The following LRRC20 variants were observed in gnomAD, a reference collection of about 807,000 sequenced individuals.
LRRC20 encodes leucine rich repeat containing 20, also known as leucine-rich repeat-containing protein 20.
Under a neutral mutation model 14.4 loss-of-function variants are expected in LRRC20, and 11 were observed. The ratio of observed to expected loss-of-function variants is 0.77; its 90% CI spans 0.48 to 1.27. LRRC20 has a LOEUF of 1.27. LRRC20 is among the 50% of genes most tolerant of loss of function. The probability of loss-of-function intolerance (pLI) is 0.00; values close to 1 mark genes in which losing one functional copy is unlikely to be tolerated. For synonymous variants in LRRC20, 121 were observed against 107.3 expected, an observed-to-expected ratio of 1.13 and a Z score of -0.79; for missense variants, 219 against 251.2, an observed-to-expected ratio of 0.87 and a Z score of 0.87.
At position 70,301,347 on chromosome 10, in the gene LRRC20, G is replaced by A. The variant is rs1404842978; in HGVS notation, c.*7C>T. The A allele has an allele frequency of 6.2e-7, 1 of 1,610,844 alleles. No individual in the cohort carries two copies. The highest frequency in any genetic ancestry group is 8.5e-7 in the Non-Finnish European group (1 of 1,179,072). On this transcript the variant is annotated 3_prime_UTR_variant, in exon 5 of 5. Coordinates refer to ENST00000446961, the MANE Select transcript of LRRC20 (RefSeq NM_001278212.2). ...GCCCCTTGCTGGGTGGGCATGAGGAGGGTGGCCTAAGGTAGGGGGGCTCTT... is the reference window on the plus strand; with the variant it reads ...GCCCCTTGCTGGGTGGGCATGAGGAAGGTGGCCTAAGGTAGGGGGGCTCTT...
At chr10:70,302,303 G>C (rs1841224104) in intron 4 of LRRC20, among the ~76,000 whole-genome samples, 1 of 151,622 alleles carries the variant, frequency 6.6e-6, no homozygotes, top group South Asian at 2.1e-4. Flanking sequence ...ACAAAGCAAA[G>C]CTCTGTCTCA....
intron 4 of LRRC20, among the ~76,000 whole-genome samples, chr10:70,301,930 A>G (rs1433050613): frequency 6.6e-6 from 1 of 152,232 alleles, no homozygotes; most frequent in African/African-American, 2.4e-5. Flanking sequence ...GTCCATATAT[A>G]TGTCCATATA....
chr10:70,374,351 C>CTTTT lies in LRRC20; in HGVS notation c.82+2097_82+2100dup, dbSNP rs57167315. Among the ~76,000 whole-genome samples the CTTTT allele has an allele frequency of 1.2e-4, 16 of 133,186 alleles. 8 individuals carry two copies. Among genetic ancestry groups the CTTTT allele is most frequent in the Non-Finnish European group, 1.3e-4 (8 of 61,754 alleles). The allele number at this position is 133,186 out of a possible 152,430, so 87.4% of individuals were successfully genotyped here. On this transcript the variant is annotated intron_variant, in intron 2 of 4. Coordinates refer to ENST00000446961, the MANE Select transcript of LRRC20 (RefSeq NM_001278212.2). The stretch of plus-strand genomic sequence containing the variant: ...GCTGTGTCCCTATCCCCTGTGAAGC[C>CTTTT]TTTTTTTTTTTTTTTTGAGATGGAA...
rs1010429905 is a variant in LRRC20, at chr10:70,316,219, G to A, written c.400+7644C>T. Among the ~76,000 whole-genome samples, 15 of 152,214 alleles carry A rather than the reference G, an allele frequency of 9.9e-5. No homozygotes were observed. In the South Asian group the frequency reaches 1.0e-3, roughly 11 times the overall value. ...GCAATCTTGGCTAACTGCAACCTCC[G>A]CTTCCTGGGTTCAAGCAATTTTCCC... On this transcript the variant is annotated intron_variant, in intron 4 of 4. Transcript: ENST00000446961.
Position 70,369,156 on chromosome 10 carries a change from C to T in LRRC20, c.82+7296G>A, listed in dbSNP as rs78457062. Among the ~76,000 whole-genome samples, 4 of 152,102 alleles carry T rather than the reference C, an allele frequency of 2.6e-5. No individual in the cohort carries two copies. The South Asian group carries it at 6.2e-4, about 24-fold the overall frequency. ...GCTTTTTTTCCTCCTTTTCAAGGAA[C>T]AGGGTGGGCTCACTGTGGTTCCAAG... On this transcript the variant is annotated intron_variant, in intron 2 of 4. Coordinates refer to ENST00000446961, the MANE Select transcript of LRRC20 (RefSeq NM_001278212.2).
At chr10:70,316,558 G>A (rs1360174415) in intron 4 of LRRC20, among the ~76,000 whole-genome samples, 1 of 152,244 alleles carries the variant, frequency 6.6e-6, no homozygotes, top group East Asian at 1.9e-4. Context: ...CCACACAGTG[G>A]TTGGCACAGA....
At chr10:70,339,471 G>T (rs1256105334) in intron 3 of LRRC20, among the ~76,000 whole-genome samples, 1 of 152,144 alleles carries the variant, frequency 6.6e-6, no homozygotes, top group Non-Finnish European at 1.5e-5. Context: ...AGAGCGCAAG[G>T]AGGCTGGAAG....
chr10:70,369,378 C>G (rs1844170772), intron 2 of LRRC20, among the ~76,000 whole-genome samples: 1 of 152,166 alleles, frequency 6.6e-6, no homozygotes, highest in Non-Finnish European at 1.5e-5. Context: ...CTCCAAACAG[C>G]TGTGTCACCA....
At chr10:70,319,172 G>GGA (rs1841983720) in intron 4 of LRRC20, among the ~76,000 whole-genome samples, 1 of 115,102 alleles carries the variant, frequency 8.7e-6, no homozygotes, top group Non-Finnish European at 1.9e-5. Flanking sequence ...GGGTGTATAG[G>GGA]GAAAAAAAAA....
rs771772714 is a variant in LRRC20, at chr10:70,376,542, A to G, written c.-9T>C. ...CCCATCTTCTTCAGCATGCAGACACAGGTGTCCTGCCGCCAGCCCCCAGGC... is the reference window on the plus strand; with the variant it reads ...CCCATCTTCTTCAGCATGCAGACACGGGTGTCCTGCCGCCAGCCCCCAGGC... On this transcript the variant is annotated 5_prime_UTR_variant, in exon 2 of 5. Transcript: ENST00000446961. 1 of 1,612,662 alleles carries G rather than the reference A, an allele frequency of 6.2e-7. No homozygotes were observed. The highest frequency in any genetic ancestry group is 1.1e-5 in the South Asian group (1 of 91,086).
At chr10:70,374,795 T>A (rs1320695109) in intron 2 of LRRC20, among the ~76,000 whole-genome samples, 2 of 152,206 alleles carry the variant, frequency 1.3e-5, no homozygotes, top group African/African-American at 4.8e-5. Context: ...GGGAAGGGCT[T>A]AGGTCTCGCC....
chr10:70,349,028 C>T (rs1348979125), intron 2 of LRRC20, among the ~76,000 whole-genome samples: 1 of 151,472 alleles, frequency 6.6e-6, no homozygotes, highest in Admixed American at 6.6e-5. Flanking sequence ...AAGGGGGGCC[C>T]CACCCAGGGA....
intron 2 of LRRC20, among the ~76,000 whole-genome samples, chr10:70,348,487 T>C (rs1843162334): frequency 6.6e-6 from 1 of 152,170 alleles, no homozygotes; most frequent in Admixed American, 6.5e-5. Context: ...ATTTCACATG[T>C]GCTATGTAAG....
chr10:70,352,318 C>G (rs913886820), intron 2 of LRRC20, among the ~76,000 whole-genome samples: 1 of 151,914 alleles, frequency 6.6e-6, no homozygotes, highest in African/African-American at 2.4e-5. Context: ...AATTCTGAGG[C>G]CTTGATTTAA....
At chr10:70,326,515 G>C (rs189064251) in intron 3 of LRRC20, among the ~76,000 whole-genome samples, 1 of 152,190 alleles carries the variant, frequency 6.6e-6, no homozygotes, top group South Asian at 2.1e-4. Context: ...ACAGTGCAGG[G>C]GGCCTGGACT....
chr10:70,309,974 G>A (rs1226076190), intron 4 of LRRC20, among the ~76,000 whole-genome samples: 4 of 152,252 alleles, frequency 2.6e-5, no homozygotes, highest in African/African-American at 7.2e-5. Flanking sequence ...GGCCTCTCCA[G>A]GGTCTGTGGC....
In LRRC20 at chr10:70,301,467, T is replaced by C. The variant is rs1841180074; in HGVS notation, c.442A>G (p.Ser148Gly). The change falls in exon 5 of 5, where the codon AGC becomes GGC. Residue 148 changes from serine to glycine, a missense_variant. Physicochemically the swap from Ser to Gly is moderately conservative, Grantham distance 56. Coordinates refer to ENST00000446961, the MANE Select transcript of LRRC20 (RefSeq NM_001278212.2). Reference sequence around the variant, plus strand: ...AGTGGGTTGAAGCGGAGGTTGATGCTGCGCAAGGCTGGCATGGCGGCCAGC... The same window carrying C: ...AGTGGGTTGAAGCGGAGGTTGATGCCGCGCAAGGCTGGCATGGCGGCCAGC... ...EKLAAMPALR[S>G]INLRFNPLNA... is the part of the protein sequence containing the mutation. 5.0e-6 allele frequency: 8 copies of C among 1,614,108 alleles called. No homozygotes were observed. The highest frequency in any genetic ancestry group is 4.4e-5 in the South Asian group (4 of 91,082).
chr10:70,322,777 ATG>A (rs1842138067), intron 4 of LRRC20, among the ~76,000 whole-genome samples: 1 of 151,960 alleles, frequency 6.6e-6, no homozygotes, highest in Admixed American at 6.5e-5. Flanking sequence ...CACTCTCATG[ATG>A]TGTTTGGGCC....
chr10:70,358,399 T>A (rs1843607232), intron 2 of LRRC20, among the ~76,000 whole-genome samples: 1 of 152,206 alleles, frequency 6.6e-6, no homozygotes, highest in African/African-American at 2.4e-5. Flanking sequence ...AGTTACCAAC[T>A]GACCAGATTT....
Sources: allele counts gnomAD v4.1 joint callset (sites outside exome capture counted in the v4.1 genomes callset), GRCh38; gene constraint gnomAD v4.1.1; transcripts MANE v1.5; gene names NCBI Gene and HGNC (gene_info 2026-07-23, HGNC 2026-07-21).